Variants in ATAD2B observed in about 807,000 individuals in gnomAD.
The protein encoded by ATAD2B is ATPase family AAA domain-containing protein 2B.
ATAD2B carries 40 observed loss-of-function variants against 167.6 expected under a neutral mutation model. The observed-to-expected ratio is 0.24, with a 90% CI of 0.19 to 0.31. ATAD2B has a LOEUF of 0.31. Ranked by LOEUF, ATAD2B falls within the 10% of genes least tolerant of loss-of-function variation. The probability of loss-of-function intolerance (pLI) is 1.00; values close to 1 mark genes in which losing one functional copy is unlikely to be tolerated. For missense variants in ATAD2B, 1,242 were observed against 1,757.2 expected, an observed-to-expected ratio of 0.71 and a Z score of 5.24; for synonymous variants, 579 against 596.5, an observed-to-expected ratio of 0.97 and a Z score of 0.43.
intron 22 of ATAD2B, 81 bp from the exon 23 acceptor site, chr2:23,765,709 TACAA>T: frequency 1.0e-6 from 1 of 963,578 alleles, no homozygotes; most frequent in Non-Finnish European, 1.4e-6. Context: ...AGTAAAAGAA[TACAA>T]ACAAAATTAT....
intron 18 of ATAD2B, among the ~76,000 whole-genome samples, chr2:23,808,625 G>C (rs1248497416): frequency 1.3e-5 from 2 of 151,880 alleles, no homozygotes; most frequent in Non-Finnish European, 2.9e-5. Context: ...TTTCTTTATT[G>C]TCTTACATCA....
intron 20 of ATAD2B, among the ~76,000 whole-genome samples, chr2:23,787,974 G>C (rs1681072553): frequency 6.6e-6 from 1 of 151,964 alleles, no homozygotes; most frequent in Admixed American, 6.6e-5. Flanking sequence ...CCAAACCCAA[G>C]AAAAATCTAA....
the ATAD2B span, among the ~76,000 whole-genome samples, chr2:23,679,076 T>G: frequency 2.6e-5 from 4 of 151,284 alleles, no homozygotes; most frequent in Non-Finnish European, 5.9e-5. Flanking sequence ...AGAATTAGCC[T>G]CAAACTGAAC....
At chr2:23,826,852 A>G (rs529527278) in intron 15 of ATAD2B, among the ~76,000 whole-genome samples, 1 of 152,294 alleles carries the variant, frequency 6.6e-6, no homozygotes, top group South Asian at 2.1e-4. Flanking sequence ...ATCACACCCA[A>G]TATGCATGCA....
chr2:23,805,647 G>T (rs898673493), intron 18 of ATAD2B, among the ~76,000 whole-genome samples: 1 of 151,950 alleles, frequency 6.6e-6, no homozygotes, highest in Admixed American at 6.6e-5. Flanking sequence ...ATATGTATTT[G>T]AAATGTTATT....
chr2:23,738,889 G>A, the ATAD2B span, among the ~76,000 whole-genome samples: 125 of 152,078 alleles, frequency 8.2e-4, 1 homozygote, highest in African/African-American at 2.9e-3. Flanking sequence ...AAAAAGGCAG[G>A]GGTTGCAATC....
At chr2:23,900,617 G>A (rs1374651736) in intron 1 of ATAD2B, 2 of 152,198 alleles carry the variant, frequency 1.3e-5, no homozygotes, top group African/African-American at 2.4e-5. Flanking sequence ...TGATTCATGT[G>A]CACATTAGAG....
At chr2:23,755,814 T>C (rs1675883051) in intron 25 of ATAD2B, among the ~76,000 whole-genome samples, 1 of 152,172 alleles carries the variant, frequency 6.6e-6, no homozygotes, top group Non-Finnish European at 1.5e-5. Flanking sequence ...AAATTTTATA[T>C]TTCAGGCTGC....
intron 13 of ATAD2B, among the ~76,000 whole-genome samples, chr2:23,854,649 G>C (rs1693083963): frequency 1.3e-5 from 2 of 149,536 alleles, no homozygotes; most frequent in Admixed American, 1.3e-4. Context: ...TTGCACTCCA[G>C]CCTGGGGCAC....
At chr2:23,694,998 C>T in the ATAD2B span, among the ~76,000 whole-genome samples, 1 of 152,154 alleles carries the variant, frequency 6.6e-6, no homozygotes. Context: ...TCTCGTTACT[C>T]ATGGGATGAA....
At chr2:23,745,334 A>G (rs1000942579), downstream of ATAD2B, among the ~76,000 whole-genome samples, 1 of 149,344 alleles carries the variant, frequency 6.7e-6, no homozygotes, top group African/African-American at 2.5e-5. Flanking sequence ...AGAAAGAGAG[A>G]AAGAGACAGA....
rs745540881 is a variant in ATAD2B, at chr2:23,823,280, A to T, written c.2109T>A (p.Ile703=). The change falls in exon 16 of 28, where the codon ATT becomes ATA. Residue 703 remains isoleucine (I), a synonymous_variant. Coordinates refer to ENST00000238789, the MANE Select transcript of ATAD2B (RefSeq NM_017552.4). ...VLQKVFPHAE[I]SQSDKKEDIE... ...TACCTTCTTTTTTGTCACTCTGGCTAATTTCAGCATGAGGAAACACTTTTT... is the reference window on the plus strand; with the variant it reads ...TACCTTCTTTTTTGTCACTCTGGCTTATTTCAGCATGAGGAAACACTTTTT... 3.1e-6 allele frequency: 5 copies of T among 1,611,758 alleles called. No individual in the cohort carries two copies. In the Admixed American group the frequency reaches 8.4e-5, roughly 27 times the overall value.
intron 10 of ATAD2B, 150 bp downstream of exon 10, chr2:23,867,685 T>A (rs981414906): frequency 1.2e-5 from 7 of 575,016 alleles, no homozygotes; most frequent in Non-Finnish European, 1.2e-5. Context: ...GCACCACTTG[T>A]GGCTAGGGTT....
chr2:23,773,198 C>T (rs1678597217), intron 22 of ATAD2B, among the ~76,000 whole-genome samples: 1 of 152,072 alleles, frequency 6.6e-6, no homozygotes, highest in Non-Finnish European at 1.5e-5. Context: ...ATCTTTTTGA[C>T]CTGGATTCAT....
intron 4 of ATAD2B, among the ~76,000 whole-genome samples, chr2:23,886,119 AT>A (rs898673351): frequency 6.6e-6 from 1 of 151,426 alleles, no homozygotes; most frequent in Non-Finnish European, 1.5e-5. Flanking sequence ...TAACTTTTAT[AT>A]TTTTTTGTGG....
At chr2:23,792,390 T>A (rs1288045903) in intron 19 of ATAD2B, among the ~76,000 whole-genome samples, 1 of 151,826 alleles carries the variant, frequency 6.6e-6, no homozygotes, top group Non-Finnish European at 1.5e-5. Flanking sequence ...TCCTTAGAAT[T>A]GTTAGTCCCC....
rs930760340 is a variant in ATAD2B at position 23,749,851 on chromosome 2, C to T, written c.*2195G>A. 2.0e-5 allele frequency: 3 copies of T among 152,006 alleles called. No homozygotes were observed. In the East Asian group the frequency reaches 5.8e-4, roughly 29 times the overall value. The allele number at this position is 152,006 out of a possible 1,614,324, so 9.4% of individuals were successfully genotyped here. A position where few individuals can be genotyped will look rare whatever the true frequency, so the allele number is the denominator to read the frequency against. On this transcript the variant is annotated 3_prime_UTR_variant, in exon 28 of 28. Coordinates refer to ENST00000238789, the MANE Select transcript of ATAD2B (RefSeq NM_017552.4). ...ACAAATTTAGTAACCTACTAAGAAA[C>T]ATGTGCATTTTTTTTTCCTTTCACA... is the stretch of plus-strand genomic sequence containing the variant.
At chr2:23,806,948 A>G (rs571497652) in intron 18 of ATAD2B, among the ~76,000 whole-genome samples, 19 of 152,342 alleles carry the variant, frequency 1.2e-4, no homozygotes, top group African/African-American at 4.3e-4. Context: ...AATTACAAAC[A>G]AAGTGTGCTT....
At chr2:23,865,035 C>T (rs1448902699) in intron 10 of ATAD2B, 111 bp from the exon 11 acceptor site, 1 of 563,858 alleles carries the variant, frequency 1.8e-6, no homozygotes, top group Non-Finnish European at 3.0e-6. Flanking sequence ...TTAGCAGAAG[C>T]TTTTAAACAT....
Sources: gnomAD v4.1 joint callset for allele counts (sites outside exome capture counted in the v4.1 genomes callset) on GRCh38, gnomAD v4.1.1 for gene constraint, MANE v1.5 for transcripts, NCBI Gene and HGNC (gene_info 2026-07-23, HGNC 2026-07-21) for gene names.